Variants in PRKN observed in about 807,000 individuals in gnomAD.
The protein encoded by PRKN is parkin RBR E3 ubiquitin protein ligase.
A neutral mutation model predicts 59.5 loss-of-function variants in PRKN; 56 were observed. That is an observed-to-expected ratio of 0.94 (90% CI 0.76 to 1.18). The LOEUF (loss-of-function observed/expected upper bound fraction) is 1.18. Ranked by LOEUF, PRKN falls within the 50% of genes most tolerant of loss-of-function variation. PRKN has a pLI of 0.00. For synonymous variants in PRKN, 250 were observed against 222.1 expected (o/e 1.13, Z -1.12); for missense variants, 657 against 596.4 (o/e 1.10, Z -1.06).
intron 7 of PRKN, among the ~76,000 whole-genome samples, chr6:161,707,308 C>T (rs972492712): frequency 1.3e-5 from 2 of 152,050 alleles, no homozygotes; most frequent in East Asian, 3.9e-4. Flanking sequence ...CTGAGTAGGT[C>T]GTTGCTGCTA....
At chr6:161,899,302 T>C (rs1029470254) in intron 6 of PRKN, among the ~76,000 whole-genome samples, 3 of 152,234 alleles carry the variant, frequency 2.0e-5, no homozygotes, top group Non-Finnish European at 4.4e-5. Context: ...CAAAATGTTA[T>C]ACAAATCAAT....
At chr6:162,503,183 G>A (rs58909694) in intron 1 of PRKN, among the ~76,000 whole-genome samples, 2,499 of 77,450 alleles carry the variant, frequency 0.032, 75 homozygotes, top group South Asian at 0.11. Flanking sequence ...TGTTTTTTTA[G>A]ACAGAGTCTT....
At position 161,780,977 on chromosome 6, in the gene PRKN, C is replaced by T. The variant is rs56182576; in HGVS notation, c.871+4795G>A. On this transcript the variant is annotated intron_variant, in intron 7 of 11. Coordinates refer to ENST00000366898, the MANE Select transcript of PRKN (RefSeq NM_004562.3). ...TAACACATGCTAAACAATCTTGTGA[C>T]AAACCGAACTATATTTTCTCATGAG... is the stretch of plus-strand genomic sequence containing the variant. Among the ~76,000 whole-genome samples the T allele has an allele frequency of 2.3e-3, 356 of 152,254 alleles. 1 individual carries two copies. The highest frequency in any genetic ancestry group is 8.0e-3 in the African/African-American group (334 of 41,538).
intron 1 of PRKN, among the ~76,000 whole-genome samples, chr6:162,622,391 CCAGGTTGGTCTCCAACACCTCGCCT>C (rs1401873297): frequency 6.6e-6 from 1 of 151,384 alleles, no homozygotes; most frequent in Non-Finnish European, 1.5e-5. Context: ...GCAATGTTGG[CCAGGTTGGTCTCCAACACCTCGCCT>C]CAGGTCATCT....
intron 2 of PRKN, among the ~76,000 whole-genome samples, chr6:162,381,287 A>G (rs2272788): frequency 1.3e-5 from 2 of 152,286 alleles, no homozygotes; most frequent in East Asian, 1.9e-4. Flanking sequence ...TTTTTCAATT[A>G]TATTTCTATA....
chr6:162,443,249 G>A (rs1400728796), intron 2 of PRKN, 61 bp downstream of exon 2: 13 of 1,552,728 alleles, frequency 8.4e-6, no homozygotes, highest in Middle Eastern at 2.3e-4. Context: ...GATTGGCAGC[G>A]CAGGCGGCAT....
chr6:161,797,325 C>T (rs1790892486), intron 6 of PRKN, among the ~76,000 whole-genome samples: 1 of 152,116 alleles, frequency 6.6e-6, no homozygotes, highest in Non-Finnish European at 1.5e-5. Flanking sequence ...GATCTTGGCT[C>T]TACAACCTCC....
intron 2 of PRKN, among the ~76,000 whole-genome samples, chr6:162,298,631 C>G (rs1192189114): frequency 6.8e-6 from 1 of 147,564 alleles, no homozygotes; most frequent in African/African-American, 2.5e-5. Context: ...CCCCCACCCC[C>G]CAACCCCATG....
chr6:162,391,187 T>A lies in PRKN; in HGVS notation c.171+52123A>T, dbSNP rs140918056. On this transcript the variant is annotated intron_variant, in intron 2 of 11. Transcript: ENST00000366898. ...TGGAAGATAATTTTCTTACTACGCA[T>A]GCTTGACATGGATTTCGAACATCTG... 4.9e-3 allele frequency among the ~76,000 whole-genome samples: 743 copies of A among 152,238 alleles called. 4 individuals are homozygous for A. The highest frequency in any genetic ancestry group is 0.016 in the African/African-American group (685 of 41,544).
rs1785852216 is a variant in PRKN at position 161,378,995 on chromosome 6, A to C, written c.1167+7799T>G. 6.6e-6 allele frequency among the ~76,000 whole-genome samples: 1 copy of C among 152,296 alleles called. No homozygotes were observed. Among genetic ancestry groups the C allele is most frequent in the South Asian group, 2.1e-4 (1 of 4,822 alleles). Reference sequence around the variant, plus strand: ...TACTTTTGCCAGAGAACACAGCAAGAGTTCTGGTCACTTTATGTTGCATTG... The same window carrying C: ...TACTTTTGCCAGAGAACACAGCAAGCGTTCTGGTCACTTTATGTTGCATTG... On this transcript the variant is annotated intron_variant, in intron 10 of 11. Transcript: ENST00000366898. The surrounding 1 kb of genome is among the most constrained non-coding windows in gnomAD (Gnocchi z 7.3).
At chr6:162,404,697 C>T (rs974020946) in intron 2 of PRKN, among the ~76,000 whole-genome samples, 2 of 152,076 alleles carry the variant, frequency 1.3e-5, no homozygotes, top group Admixed American at 6.5e-5. Context: ...GGACTACAGG[C>T]GTGCACCACC....
At chr6:161,504,038 T>C (rs1166033689) in intron 9 of PRKN, among the ~76,000 whole-genome samples, 2 of 152,154 alleles carry the variant, frequency 1.3e-5, no homozygotes, top group Non-Finnish European at 2.9e-5. Flanking sequence ...CCTTGTTACA[T>C]GAGGAAAGGT....
intron 9 of PRKN, among the ~76,000 whole-genome samples, chr6:161,496,401 TC>T (rs1252859326): frequency 2.6e-5 from 4 of 152,232 alleles, no homozygotes; most frequent in Non-Finnish European, 5.9e-5. Flanking sequence ...AAAGACATAC[TC>T]GACACTGGGT....
At chr6:161,452,774 G>A (rs1280056760) in intron 9 of PRKN, among the ~76,000 whole-genome samples, 1 of 152,036 alleles carries the variant, frequency 6.6e-6, no homozygotes, top group Non-Finnish European at 1.5e-5. Flanking sequence ...GGGTTCCATG[G>A]AGCCCTATTT....
At chr6:162,011,489 T>TGTA (rs1782710267) in intron 5 of PRKN, among the ~76,000 whole-genome samples, 1 of 37,076 alleles carries the variant, frequency 2.7e-5, no homozygotes, top group Non-Finnish European at 4.5e-5. Flanking sequence ...TATTATAATA[T>TGTA]ATATAATATA....
chr6:162,514,045 C>CA (rs368597218), intron 1 of PRKN, among the ~76,000 whole-genome samples: 194 of 144,442 alleles, frequency 1.3e-3, no homozygotes, highest in African/African-American at 3.8e-3. Context: ...GACTCCATCT[C>CA]AAAAAAAAAG....
At chr6:162,380,687 A>G (rs1332775044) in intron 2 of PRKN, among the ~76,000 whole-genome samples, 21 of 151,706 alleles carry the variant, frequency 1.4e-4, no homozygotes, top group Admixed American at 1.4e-3. Context: ...ATAAGCCTTG[A>G]GAAATATACT....
At chr6:161,631,167 G>A (rs1234726709) in intron 7 of PRKN, among the ~76,000 whole-genome samples, 1 of 152,154 alleles carries the variant, frequency 6.6e-6, no homozygotes, top group Admixed American at 6.5e-5. Flanking sequence ...AGACAGGAGT[G>A]CCCACCATGT....
chr6:162,542,270 C>A (rs371790150), intron 1 of PRKN, among the ~76,000 whole-genome samples: 1 of 152,126 alleles, frequency 6.6e-6, no homozygotes, highest in East Asian at 1.9e-4. Flanking sequence ...CAGGTGCATT[C>A]TCTCTACATT....
Sources: gnomAD v4.1 joint callset for allele counts (sites outside exome capture counted in the v4.1 genomes callset) on GRCh38, gnomAD v4.1.1 for gene constraint, Gnocchi (gnomAD v3.1) non-coding constraint, MANE v1.5 for transcripts, NCBI Gene and HGNC (gene_info 2026-07-23, HGNC 2026-07-21) for gene names.